Variants in GHR observed in about 807,000 individuals in gnomAD.
GHR encodes GH receptor.
GHR carries 35 observed loss-of-function variants against 67.1 expected under a neutral mutation model. The ratio of observed to expected loss-of-function variants is 0.52; its 90% CI spans 0.40 to 0.69. GHR has a LOEUF of 0.69. Among genes scored for constraint, GHR ranks in the 30% least tolerant of loss-of-function variants. GHR has a pLI of 0.00. For synonymous variants in GHR, 272 were observed against 269.1 expected (o/e 1.01, Z -0.10); for missense variants, 792 against 764.6 (o/e 1.04, Z -0.42).
At chr5:42,612,896 A>G (rs1036112331) in intron 2 of GHR, among the ~76,000 whole-genome samples, 1 of 152,092 alleles carries the variant, frequency 6.6e-6, no homozygotes, top group Non-Finnish European at 1.5e-5. Context: ...TCAGCCTAAC[A>G]AGCATGCAGC....
intron 3 of GHR, among the ~76,000 whole-genome samples, chr5:42,640,987 C>A (rs146701260): frequency 2.0e-4 from 31 of 152,216 alleles, no homozygotes; most frequent in Admixed American, 4.6e-4. Flanking sequence ...CCCATGGCAC[C>A]AAGACAGGAA....
chr5:42,472,480 G>A (rs1405406472), intron 1 of GHR, among the ~76,000 whole-genome samples: 1 of 152,218 alleles, frequency 6.6e-6, no homozygotes, highest in Non-Finnish European at 1.5e-5. Flanking sequence ...TGACAAATTA[G>A]AGAACATTAG....
At chr5:42,449,158 A>G (rs1028528695) in intron 1 of GHR, among the ~76,000 whole-genome samples, 1 of 152,050 alleles carries the variant, frequency 6.6e-6, no homozygotes, top group African/African-American at 2.4e-5. Flanking sequence ...TTTTTGTTCC[A>G]GTTCTGTGAA....
In GHR at chr5:42,597,098, A is replaced by G. The variant is rs190337655; in HGVS notation, c.70+31154A>G. Among the ~76,000 whole-genome samples, 9 of 152,212 alleles carry G rather than the reference A, an allele frequency of 5.9e-5. No individual in the cohort carries two copies. In the East Asian group the frequency reaches 1.5e-3, roughly 26 times the overall value. ...ATAAATGTTTAACAGTGGTGGGTGG[A>G]AGGGGGGCTCTGGCTTGTAGCATTT... On this transcript the variant is annotated intron_variant, in intron 2 of 9. Coordinates refer to ENST00000230882, the MANE Select transcript of GHR (RefSeq NM_000163.5).
chr5:42,517,240 A>T (rs555773328), intron 1 of GHR, among the ~76,000 whole-genome samples: 128 of 152,382 alleles, frequency 8.4e-4, no homozygotes, highest in African/African-American at 2.9e-3. Flanking sequence ...AAAGACAACA[A>T]TAACTTCAGA....
intron 3 of GHR, among the ~76,000 whole-genome samples, chr5:42,671,641 TAAA>T (rs33934676): frequency 7.3e-6 from 1 of 136,712 alleles, no homozygotes. Context: ...CCCTTCATGT[TAAA>T]AAAAAAAAAA....
intron 2 of GHR, among the ~76,000 whole-genome samples, chr5:42,586,187 C>T (rs1000777069): frequency 6.6e-6 from 1 of 152,138 alleles, no homozygotes; most frequent in African/African-American, 2.4e-5. Flanking sequence ...TCCTCCTCCT[C>T]CTCCTCCTCT....
chr5:42,461,459 C>T (rs1245093660), intron 1 of GHR, among the ~76,000 whole-genome samples: 1 of 152,176 alleles, frequency 6.6e-6, no homozygotes, highest in Non-Finnish European at 1.5e-5. Context: ...CTTTCAGGTT[C>T]CCAAGCTCAG....
intron 2 of GHR, among the ~76,000 whole-genome samples, chr5:42,613,100 C>T (rs1466108676): frequency 6.6e-6 from 1 of 152,022 alleles, no homozygotes; most frequent in East Asian, 1.9e-4. Context: ...TCTGATTGTG[C>T]TTTCTTGGTA....
chr5:42,480,018 G>A (rs1003106806), intron 1 of GHR, among the ~76,000 whole-genome samples: 3 of 152,054 alleles, frequency 2.0e-5, no homozygotes, highest in Non-Finnish European at 4.4e-5. Flanking sequence ...TCTCTGGTGG[G>A]CATTTAGTGC....
chr5:42,664,600 G>A (rs540813968), intron 3 of GHR, among the ~76,000 whole-genome samples: 48 of 152,236 alleles, frequency 3.2e-4, no homozygotes, highest in African/African-American at 1.1e-3. Flanking sequence ...AATTCAAGAT[G>A]GAGTAAAGAC....
chr5:42,425,772 T>C (rs1247785664), intron 1 of GHR, among the ~76,000 whole-genome samples: 1 of 152,228 alleles, frequency 6.6e-6, no homozygotes, highest in Admixed American at 6.5e-5. Context: ...TTATAAACTT[T>C]TTGTTTTGCA....
chr5:42,600,918 C>CTTTTTTTTTTTTTTTT (rs933355797), intron 2 of GHR, among the ~76,000 whole-genome samples: 41 of 66,692 alleles, frequency 6.1e-4, no homozygotes, highest in African/African-American at 7.6e-4. Context: ...TCTTTCTATT[C>CTTTTTTTTTTTTTTTT]TTTTTTTTTT....
chr5:42,609,061 T>G (rs541796423), intron 2 of GHR, among the ~76,000 whole-genome samples: 28 of 152,222 alleles, frequency 1.8e-4, no homozygotes, highest in Non-Finnish European at 2.6e-4. Context: ...CCAGGAAGAA[T>G]GCAATAATAT....
chr5:42,494,946 G>A lies in GHR; in HGVS notation c.-11-70918G>A, dbSNP rs184399945. Reference sequence around the variant, plus strand: ...TTCCAATTTAGCATCCCCCTTAGAAGGGTGATGGAAGCTCCCATATCTTGG... The same window carrying A: ...TTCCAATTTAGCATCCCCCTTAGAAAGGTGATGGAAGCTCCCATATCTTGG... On this transcript the variant is annotated intron_variant, in intron 1 of 9. Transcript: ENST00000230882. Among the ~76,000 whole-genome samples the A allele has an allele frequency of 4.2e-4, 64 of 152,144 alleles. 1 individual carries two copies. The East Asian group carries it at 0.012, about 29-fold the overall frequency.
chr5:42,590,390 A>G (rs1167976736), intron 2 of GHR, among the ~76,000 whole-genome samples: 2 of 152,146 alleles, frequency 1.3e-5, no homozygotes, highest in Non-Finnish European at 1.5e-5. Context: ...TTTTTAAACT[A>G]GTGTTTTCTA....
intron 1 of GHR, among the ~76,000 whole-genome samples, chr5:42,453,433 C>T (rs762402865): frequency 3.9e-5 from 6 of 152,096 alleles, no homozygotes; most frequent in East Asian, 1.9e-4. Flanking sequence ...AATGGCGAGC[C>T]GAGGTCACAG....
chr5:42,644,956 C>T (rs1754658041), intron 3 of GHR, among the ~76,000 whole-genome samples: 2 of 152,106 alleles, frequency 1.3e-5, no homozygotes, highest in Non-Finnish European at 2.9e-5. Context: ...AAGTATATGT[C>T]TATCTCATTT....
At chr5:42,662,163 T>A (rs1294506756) in intron 3 of GHR, among the ~76,000 whole-genome samples, 2 of 152,164 alleles carry the variant, frequency 1.3e-5, no homozygotes, top group Non-Finnish European at 2.9e-5. Context: ...ATGGGAGACT[T>A]TAACAGCCCA....
Sources: allele counts gnomAD v4.1 joint callset (sites outside exome capture counted in the v4.1 genomes callset), GRCh38; gene constraint gnomAD v4.1.1; transcripts MANE v1.5; gene names NCBI Gene and HGNC (gene_info 2026-07-23, HGNC 2026-07-21).